Variants in TTC28 observed in about 807,000 individuals in gnomAD.
The protein encoded by TTC28 is tetratricopeptide repeat domain 28.
A neutral mutation model predicts 198.0 loss-of-function variants in TTC28; 61 were observed. The ratio of observed to expected loss-of-function variants is 0.31; its 90% CI spans 0.25 to 0.38. The LOEUF is 0.38. TTC28 is among the 10% of genes least tolerant of loss of function. The pLI, the probability that TTC28 is intolerant of heterozygous loss-of-function variation, is 1.00. For synonymous variants in TTC28, 1,171 were observed against 1,297.8 expected, an observed-to-expected ratio of 0.90 and a Z score of 2.10; for missense variants, 2,678 against 3,164.0, an observed-to-expected ratio of 0.85 and a Z score of 3.69.
intron 11 of TTC28, 137 bp downstream of exon 11, chr22:28,096,052 CT>C (rs1380769120): frequency 7.6e-7 from 1 of 1,310,184 alleles, no homozygotes; most frequent in African/African-American, 1.5e-5. Context: ...GGCATATCCA[CT>C]GCGGCTGAGG....
intron 12 of TTC28, among the ~76,000 whole-genome samples, chr22:28,036,473 G>C (rs550776685): frequency 5.3e-5 from 8 of 152,236 alleles, no homozygotes; most frequent in African/African-American, 1.9e-4. Context: ...AAACCAATGA[G>C]AACAAAGACA....
At chr22:28,036,369 C>A (rs1181540632) in intron 12 of TTC28, among the ~76,000 whole-genome samples, 2 of 152,212 alleles carry the variant, frequency 1.3e-5, no homozygotes, top group Non-Finnish European at 2.9e-5. Flanking sequence ...GAAACTCACT[C>A]AAAACCGGAC....
intron 5 of TTC28, among the ~76,000 whole-genome samples, chr22:28,291,227 T>C (rs2044782802): frequency 1.3e-5 from 2 of 151,258 alleles, no homozygotes; most frequent in South Asian, 2.1e-4. Flanking sequence ...AGAATAATGG[T>C]ATAGGACTTC....
chr22:28,553,658 G>T (rs1245879465), intron 2 of TTC28, among the ~76,000 whole-genome samples: 2 of 151,948 alleles, frequency 1.3e-5, no homozygotes, highest in Non-Finnish European at 2.9e-5. Flanking sequence ...GGGAGGTGGG[G>T]GTCAGCCCCC....
intron 2 of TTC28, among the ~76,000 whole-genome samples, chr22:28,608,205 C>T (rs972934585): frequency 6.6e-6 from 1 of 152,138 alleles, no homozygotes; most frequent in Non-Finnish European, 1.5e-5. Context: ...CCTATGTGAT[C>T]GACTTGAAAA....
intron 5 of TTC28, among the ~76,000 whole-genome samples, chr22:28,264,487 T>C (rs1931544610): frequency 6.6e-6 from 1 of 152,146 alleles, no homozygotes; most frequent in South Asian, 2.1e-4. Flanking sequence ...TTTAAATGTG[T>C]TCAGGAGAAG....
intron 2 of TTC28, among the ~76,000 whole-genome samples, chr22:28,581,546 T>C (rs116500797): frequency 1.4e-4 from 22 of 152,356 alleles, no homozygotes; most frequent in African/African-American, 5.0e-4. Flanking sequence ...GTAATTATCA[T>C]GAGTAAATGT....
At chr22:28,393,050 T>A (rs1265021790) in intron 2 of TTC28, among the ~76,000 whole-genome samples, 2 of 152,120 alleles carry the variant, frequency 1.3e-5, no homozygotes, top group South Asian at 4.2e-4. Context: ...TTAATTGTTT[T>A]ATATTTATTT....
At chr22:28,521,652 T>C (rs2048911782) in intron 2 of TTC28, among the ~76,000 whole-genome samples, 1 of 152,098 alleles carries the variant, frequency 6.6e-6, no homozygotes, top group Non-Finnish European at 1.5e-5. Context: ...GCTTTGGTTG[T>C]CTCTTGGGGA....
chr22:28,186,081 A>T (rs546334424), intron 5 of TTC28, among the ~76,000 whole-genome samples: 15 of 151,984 alleles, frequency 9.9e-5, no homozygotes, highest in East Asian at 2.0e-4. Context: ...AATTTTTTTT[A>T]AAAATGGTAT....
At chr22:28,206,937 G>T (rs1238991154) in intron 5 of TTC28, among the ~76,000 whole-genome samples, 2 of 152,104 alleles carry the variant, frequency 1.3e-5, no homozygotes, top group Non-Finnish European at 2.9e-5. Flanking sequence ...GTAGGAGGTG[G>T]CAAAGACAGT....
chr22:28,072,753 T>C (rs749198563), intron 12 of TTC28, among the ~76,000 whole-genome samples: 4 of 152,188 alleles, frequency 2.6e-5, no homozygotes, highest in Non-Finnish European at 5.9e-5. Context: ...GCAAGCTTAC[T>C]AGAATGTGCA....
chr22:28,205,580 T>C (rs952750541), intron 5 of TTC28, among the ~76,000 whole-genome samples: 2 of 152,128 alleles, frequency 1.3e-5, no homozygotes, highest in African/African-American at 4.8e-5. Context: ...GGTGAATGAT[T>C]GACCTATTTG....
chr22:28,195,943 G>T (rs1186560568), intron 5 of TTC28, among the ~76,000 whole-genome samples: 1 of 151,958 alleles, frequency 6.6e-6, no homozygotes, highest in African/African-American at 2.4e-5. Context: ...CTACTTTAAA[G>T]TTCATATGGA....
intron 2 of TTC28, among the ~76,000 whole-genome samples, chr22:28,545,457 C>T (rs188686166): frequency 6.6e-6 from 1 of 152,078 alleles, no homozygotes; most frequent in Admixed American, 6.6e-5. Flanking sequence ...CATGCACCTA[C>T]AGTCCCAGCT....
chr22:27,999,381 T>TC, intron 15 of TTC28, 121 bp from the exon 16 acceptor site: 1 of 1,373,678 alleles, frequency 7.3e-7, no homozygotes, highest in Non-Finnish European at 9.6e-7. Flanking sequence ...TCCACCTGTT[T>TC]CCCCAGTCAC....
chr22:28,152,437 T>C (rs776044696), intron 6 of TTC28, among the ~76,000 whole-genome samples: 31 of 152,180 alleles, frequency 2.0e-4, no homozygotes, highest in Non-Finnish European at 3.2e-4. Flanking sequence ...CAATGGGGCA[T>C]GTTCTCTTGT....
At position 27,978,201 on chromosome 22, in the gene TTC28, A is replaced by G. The variant is rs982844087; in HGVS notation, c.*4020T>C. The G allele has an allele frequency of 6.6e-6, 1 of 152,248 alleles. No homozygotes were observed. The highest frequency in any genetic ancestry group is 1.5e-5 in the Non-Finnish European group (1 of 68,046). The allele number at this position is 152,248 out of a possible 1,614,324, so 9.4% of individuals were successfully genotyped here. ...TCCACGTAGGCCAAAGATGGCTAAC[A>G]CTGCATATAAGGAACGTGAATGCCA... is the stretch of plus-strand genomic sequence containing the variant. On this transcript the variant is annotated 3_prime_UTR_variant, in exon 23 of 23. Transcript: ENST00000397906.
intron 2 of TTC28, among the ~76,000 whole-genome samples, chr22:28,521,099 T>C (rs1267452554): frequency 3.3e-5 from 5 of 151,790 alleles, no homozygotes; most frequent in Non-Finnish European, 7.4e-5. Flanking sequence ...AAATAATATA[T>C]ATGTTAAAAC....
Sources: allele counts gnomAD v4.1 joint callset (sites outside exome capture counted in the v4.1 genomes callset), GRCh38; gene constraint gnomAD v4.1.1; transcripts MANE v1.5; gene names NCBI Gene and HGNC (gene_info 2026-07-23, HGNC 2026-07-21).